The following C2orf80 variants were observed in gnomAD, a reference collection of about 807,000 sequenced individuals.
C2orf80 encodes uncharacterized protein C2orf80.
Under a neutral mutation model 30.2 loss-of-function variants are expected in C2orf80, and 28 were observed. That is an observed-to-expected ratio of 0.93 (90% confidence interval 0.69 to 1.27). The LOEUF is 1.27. Among genes scored for constraint, C2orf80 ranks in the 50% most tolerant of loss-of-function variants. The pLI, the probability that C2orf80 is intolerant of heterozygous loss-of-function variation, is 0.00. For missense variants in C2orf80, 220 were observed against 231.0 expected (o/e 0.95, Z 0.31); for synonymous variants, 80 against 76.4 (o/e 1.05, Z -0.24).
chr2:208,169,269 T>TTGTGTGTGTGTGTGTGTGTGTGTGTG (rs10658929), intron 8 of C2orf80, among the ~76,000 whole-genome samples: 13 of 137,962 alleles, frequency 9.4e-5, no homozygotes, highest in Non-Finnish European at 1.9e-4. Context: ...AAAGTCTAGA[T>TTGTGTGTGTGTGTGTGTGTGTGTGTG]TGTGTGTGTG....
At chr2:208,188,447 G>GTTTTTT (rs1559346365) in intron 1 of C2orf80, among the ~76,000 whole-genome samples, 1 of 149,980 alleles carries the variant, frequency 6.7e-6, no homozygotes, top group South Asian at 2.1e-4. Context: ...CATTATTTTG[G>GTTTTTT]ATTTTTTTTT....
Position 208,175,219 on chromosome 2 carries a change from G to C in C2orf80, c.367-3144C>G, listed in dbSNP as rs750997578. On this transcript the variant is annotated intron_variant, in intron 6 of 8. Coordinates refer to ENST00000341287, the MANE Select transcript of C2orf80 (RefSeq NM_001099334.3). ...GAGAATCACTTGAACCCCGGGGGGG[G>C]GGGGGGCGGAGGTTGCAGTGAGCCA... Among the ~76,000 whole-genome samples, 164 of 151,174 alleles carry C rather than the reference G, an allele frequency of 1.1e-3. 1 individual carries two copies. Among genetic ancestry groups the C allele is most frequent in the East Asian group, 4.5e-3 (23 of 5,138 alleles).
In C2orf80 at chr2:208,187,057, A is replaced by AAGT; in HGVS notation, c.-72_-71insACT. 1 of 1,424,220 alleles carries AAGT rather than the reference A, an allele frequency of 7.0e-7. No homozygotes were observed. Among genetic ancestry groups the AAGT allele is most frequent in the Non-Finnish European group, 9.9e-7 (1 of 1,009,060 alleles). The allele number at this position is 1,424,220 out of a possible 1,614,324, so 88.2% of individuals were successfully genotyped here. A position where few individuals can be genotyped will look rare whatever the true frequency, so the allele number is the denominator to read the frequency against. On this transcript the variant is annotated 5_prime_UTR_variant, in exon 2 of 9. Transcript: ENST00000341287. ...ACTTAGACCCAGCTTCTCTGAGTCT[A>AAGT]GAGGCTACAGCAGCAAATCAGAGAG... is the stretch of plus-strand genomic sequence containing the variant.
At chr2:208,173,193 C>T (rs2105896054) in intron 6 of C2orf80, among the ~76,000 whole-genome samples, 1 of 150,292 alleles carries the variant, frequency 6.7e-6, no homozygotes, top group East Asian at 2.0e-4. Flanking sequence ...TGGTATATTC[C>T]TAGAGTGGAA....
chr2:208,182,985 A>G lies in C2orf80; in HGVS notation c.186T>C (p.Thr62=), dbSNP rs749587551. 1 of 1,613,908 alleles carries G rather than the reference A, an allele frequency of 6.2e-7. No individual in the cohort carries two copies. The highest frequency in any genetic ancestry group is 1.1e-5 in the South Asian group (1 of 91,080). ...LQWLDPSEDL[T]WLEWEELKIP... is the part of the protein sequence containing the mutation. ...CTTACAGTTCCTCCCACTCCAGCCAAGTTAAGTCTTCTGAGGGATCCAGCC... is the reference window on the plus strand; with the variant it reads ...CTTACAGTTCCTCCCACTCCAGCCAGGTTAAGTCTTCTGAGGGATCCAGCC... Residue 62 remains threonine, a synonymous_variant, in exon 4 of 9, where the codon ACT becomes ACC. Transcript: ENST00000341287.
intron 8 of C2orf80, among the ~76,000 whole-genome samples, chr2:208,170,211 T>TCC (rs35655799): frequency 3.0e-4 from 45 of 152,248 alleles, no homozygotes; most frequent in Admixed American, 1.6e-3. Flanking sequence ...TATCCCAGAA[T>TCC]CCCAGACACC....
chr2:208,171,268 C>G (rs1211228627), intron 7 of C2orf80, among the ~76,000 whole-genome samples: 1 of 152,106 alleles, frequency 6.6e-6, no homozygotes, highest in African/African-American at 2.4e-5. Flanking sequence ...AACTCAGCCT[C>G]CTGAGTAGGT....
chr2:208,171,605 G>A (rs930028695), intron 7 of C2orf80, among the ~76,000 whole-genome samples: 18 of 152,138 alleles, frequency 1.2e-4, no homozygotes, highest in Non-Finnish European at 2.6e-4. Context: ...ACAGGCATGA[G>A]CCACTGTGCC....
chr2:208,172,007 T>G lies in C2orf80; in HGVS notation c.435A>C (p.Ala145=), dbSNP rs1696115744. The change falls in exon 7 of 9, where the codon GCA becomes GCC. Residue 145 remains alanine (A), a synonymous_variant. Coordinates refer to ENST00000341287, the MANE Select transcript of C2orf80 (RefSeq NM_001099334.3). ...GCTTACTCTGTTTGCGGGCGTATGC[T>G]GCTGCTTTGGGTGCTGTTAACATGG... The part of the protein sequence containing the change: ...PFAMLTAPKA[A]AYARKQSVKS... 6.2e-7 allele frequency: 1 copy of G among 1,613,920 alleles called. No homozygotes were observed. The highest frequency in any genetic ancestry group is 8.5e-7 in the Non-Finnish European group (1 of 1,179,812).
At chr2:208,173,803 T>C (rs182949150) in intron 6 of C2orf80, among the ~76,000 whole-genome samples, 1 of 152,250 alleles carries the variant, frequency 6.6e-6, no homozygotes, top group African/African-American at 2.4e-5. Flanking sequence ...GGAGAGGGTA[T>C]GCAGAGAGCT....
intron 8 of C2orf80, among the ~76,000 whole-genome samples, chr2:208,169,799 T>C (rs1696036780): frequency 6.6e-6 from 1 of 151,708 alleles, no homozygotes; most frequent in East Asian, 1.9e-4. Flanking sequence ...TGAAGGAAAA[T>C]TGAATATGGT....
chr2:208,189,903 G>A, intron 1 of C2orf80, 50 bp downstream of exon 1: 1 of 702,736 alleles, frequency 1.4e-6, no homozygotes, highest in East Asian at 2.7e-5. Context: ...CTCTCGGGCT[G>A]TTCTATTAAG....
At position 208,170,888 on chromosome 2, in the gene C2orf80, A is replaced by G; in HGVS notation, c.573+57T>C. The G allele has an allele frequency of 2.2e-6, 3 of 1,394,412 alleles. No individual in the cohort carries two copies. The South Asian group carries it at 3.5e-5, about 16-fold the overall frequency. The allele number at this position is 1,394,412 out of a possible 1,614,324, so 86.4% of individuals were successfully genotyped here. A position where few individuals can be genotyped will look rare whatever the true frequency, so the allele number is the denominator to read the frequency against. On this transcript the variant is annotated intron_variant, in intron 8 of 8. Transcript: ENST00000341287. ...CTAGACTTTTAACCACGGTATCAGG[A>G]AAGTACTCCCAAAATAGCTGGTATC...
At chr2:208,179,210 T>A (rs1033998986) in intron 6 of C2orf80, among the ~76,000 whole-genome samples, 10 of 152,368 alleles carry the variant, frequency 6.6e-5, no homozygotes, top group African/African-American at 2.4e-4. Flanking sequence ...GAGAAAGTTC[T>A]GATTTTCACA....
chr2:208,175,737 G>GT (rs61472314), intron 6 of C2orf80, among the ~76,000 whole-genome samples: 142 of 149,172 alleles, frequency 9.5e-4, no homozygotes, highest in African/African-American at 1.5e-3. Context: ...TTGCAATATC[G>GT]TTTTTTTTTT....
chr2:208,171,839 CAAGCCCT>C, intron 7 of C2orf80, 142 bp downstream of exon 7: 1 of 754,472 alleles, frequency 1.3e-6, no homozygotes, highest in Non-Finnish European at 2.4e-6. Context: ...GGAGGGAAAT[CAAGCCCT>C]AAGAGCCCCT....
chr2:208,176,919 C>CTG (rs1210889146), intron 6 of C2orf80, among the ~76,000 whole-genome samples: 2 of 81,656 alleles, frequency 2.4e-5, no homozygotes, highest in African/African-American at 9.8e-5. Flanking sequence ...GTATACATAT[C>CTG]TGTATACATA....
intron 8 of C2orf80, among the ~76,000 whole-genome samples, chr2:208,169,231 CTT>C (rs1317138641): frequency 3.2e-5 from 1 of 31,056 alleles, no homozygotes; most frequent in African/African-American, 8.5e-5. Flanking sequence ...TTTCAGAGAT[CTT>C]TTTGTGTGTG....
intron 6 of C2orf80, among the ~76,000 whole-genome samples, chr2:208,180,172 T>C (rs1371832502): frequency 6.6e-6 from 1 of 151,760 alleles, no homozygotes; most frequent in Non-Finnish European, 1.5e-5. Flanking sequence ...AGAGCAGAGG[T>C]TGGCATGGTG....
Sources: gnomAD v4.1 joint callset for allele counts (sites outside exome capture counted in the v4.1 genomes callset) on GRCh38, gnomAD v4.1.1 for gene constraint, MANE v1.5 for transcripts, NCBI Gene and HGNC (gene_info 2026-07-23, HGNC 2026-07-21) for gene names.